The following IL2RB variants were observed in gnomAD, a reference collection of about 807,000 sequenced individuals.
IL2RB encodes the protein interleukin-2 receptor subunit beta.
Under a neutral mutation model 44.2 loss-of-function variants are expected in IL2RB, and 17 were observed. That is an observed-to-expected ratio of 0.38 (90% CI 0.26 to 0.58). The LOEUF (loss-of-function observed/expected upper bound fraction) is 0.58, where lower values mean the gene tolerates loss of function less well. Among genes scored for constraint, IL2RB ranks in the 20% least tolerant of loss-of-function variants. The pLI is 0.63. For missense variants in IL2RB, 624 were observed against 685.5 expected, an observed-to-expected ratio of 0.91 and a Z score of 1.00; for synonymous variants, 286 against 297.9, an observed-to-expected ratio of 0.96 and a Z score of 0.41.
chr22:37,137,195 C>T (rs1177261147), intron 6 of IL2RB, among the ~76,000 whole-genome samples: 1 of 152,180 alleles, frequency 6.6e-6, no homozygotes, highest in African/African-American at 2.4e-5. Flanking sequence ...ATTGAGTGAG[C>T]AGTTGAGTGA....
At chr22:37,131,823 G>A (rs557905265) in intron 9 of IL2RB, among the ~76,000 whole-genome samples, 16 of 151,502 alleles carry the variant, frequency 1.1e-4, no homozygotes, top group Admixed American at 2.0e-4. Flanking sequence ...TGTAACCTCC[G>A]CCTCCTGGGT....
At chr22:37,143,775 G>A (rs1017094906) in intron 2 of IL2RB, 140 bp from the exon 3 acceptor site, 7 of 688,700 alleles carry the variant, frequency 1.0e-5, no homozygotes, top group African/African-American at 8.9e-5. Flanking sequence ...AGGGATTCAT[G>A]GACCCACTTC....
upstream of IL2RB, among the ~76,000 whole-genome samples, chr22:37,154,584 T>C (rs1463134646): frequency 1.3e-5 from 2 of 151,602 alleles, no homozygotes; most frequent in African/African-American, 2.4e-5. Flanking sequence ...TCTTTTTTTT[T>C]TTTTGTTTTT....
At chr22:37,161,430 A>C (rs900046407) in intron 1 of IL2RB, among the ~76,000 whole-genome samples, 1 of 152,114 alleles carries the variant, frequency 6.6e-6, no homozygotes, top group Non-Finnish European at 1.5e-5. Context: ...CTCCTACCCT[A>C]ACCAGTAAGC....
intron 1 of IL2RB, among the ~76,000 whole-genome samples, chr22:37,169,204 T>C (rs1923185123): frequency 6.6e-6 from 1 of 151,554 alleles, no homozygotes; most frequent in African/African-American, 2.4e-5. Context: ...GGGGTTCTGT[T>C]TACAGAGGGG....
intron 1 of IL2RB, among the ~76,000 whole-genome samples, chr22:37,166,128 T>C (rs191063701): frequency 4.2e-4 from 64 of 152,302 alleles, no homozygotes; most frequent in African/African-American, 1.5e-3. Context: ...TCAAGGTCTC[T>C]CTGTTGCACT....
chr22:37,136,217 C>A lies in IL2RB; in HGVS notation c.703+11G>T, dbSNP rs1921685776. The A allele has an allele frequency of 6.2e-7, 1 of 1,604,976 alleles. No homozygotes were observed. The highest frequency in any genetic ancestry group is 8.5e-7 in the Non-Finnish European group (1 of 1,176,864). On this transcript the variant is annotated intron_variant, in intron 7 of 9. Coordinates refer to ENST00000216223, the MANE Select transcript of IL2RB (RefSeq NM_000878.5). The stretch of plus-strand genomic sequence containing the variant: ...CCTGAGCCCCCTCTCACCCTTGCCG[C>A]CCACCAGTACCTGCAGGCTTTGTCC...
chr22:37,174,019 C>T (rs1923371305), intron 1 of IL2RB, among the ~76,000 whole-genome samples: 1 of 152,206 alleles, frequency 6.6e-6, no homozygotes, highest in Non-Finnish European at 1.5e-5. Context: ...CTCCCCACCC[C>T]ACCCCAACCT....
chr22:37,129,468 C>T (rs1921314875), intron 9 of IL2RB, among the ~76,000 whole-genome samples: 3 of 151,288 alleles, frequency 2.0e-5, no homozygotes, highest in East Asian at 1.9e-4. Context: ...CCACCCCCTC[C>T]GCCTCCCATC....
At chr22:37,132,336 C>T in intron 9 of IL2RB, 48 bp downstream of exon 9, 1 of 1,458,968 alleles carries the variant, frequency 6.9e-7, no homozygotes, top group Non-Finnish European at 9.6e-7. Flanking sequence ...ACCCCCTCAT[C>T]CCACTCACAC....
intron 1 of IL2RB, among the ~76,000 whole-genome samples, chr22:37,145,657 G>C (rs969312196): frequency 6.6e-6 from 1 of 151,960 alleles, no homozygotes; most frequent in Non-Finnish European, 1.5e-5. Flanking sequence ...CAGGCAAAGG[G>C]GGAGGCAGGG....
chr22:37,139,934 C>G (rs1313063229), intron 4 of IL2RB, among the ~76,000 whole-genome samples: 1 of 152,222 alleles, frequency 6.6e-6, no homozygotes, highest in Non-Finnish European at 1.5e-5. Context: ...CTCTGTGTCC[C>G]CCTACAGGGT....
At chr22:37,154,575 C>CTTTTTTT (rs57147928), upstream of IL2RB, among the ~76,000 whole-genome samples, 3 of 141,608 alleles carry the variant, frequency 2.1e-5, no homozygotes, top group Non-Finnish European at 3.1e-5. Context: ...CTTTTTTTTT[C>CTTTTTTT]TTTTTTTTTT....
intron 9 of IL2RB, among the ~76,000 whole-genome samples, chr22:37,132,102 T>C (rs1395765200): frequency 6.6e-6 from 1 of 152,134 alleles, no homozygotes; most frequent in Non-Finnish European, 1.5e-5. Flanking sequence ...ATAGTAACAC[T>C]GTTTTTCTCC....
intron 1 of IL2RB, among the ~76,000 whole-genome samples, chr22:37,168,698 C>G (rs769273272): frequency 6.6e-6 from 1 of 152,170 alleles, no homozygotes; most frequent in Non-Finnish European, 1.5e-5. Flanking sequence ...GATGAGTGTT[C>G]CATAGGCCGG....
Position 37,143,633 on chromosome 22 carries a change from T to G in IL2RB, c.91A>C (p.Thr31Pro). 5 of 1,611,830 alleles carry G rather than the reference T, an allele frequency of 3.1e-6. No individual in the cohort carries two copies. Among genetic ancestry groups the G allele is most frequent in the Non-Finnish European group, 4.2e-6 (5 of 1,178,026 alleles). ...TTGTAGAAGCATGTGAACTGGGAAG[T>G]GCCTGCCGGGCAAGATGAGGTGTGA... ...TSWASAAVNGTSQFTCFYNSR... is the reference protein window; with the variant it reads ...TSWASAAVNGPSQFTCFYNSR... Residue 31 changes from threonine (T) to proline (P), a missense_variant and splice_region_variant, in exon 3 of 10, where the codon ACT (threonine) becomes CCT (proline). By Grantham distance (38) the Thr-to-Pro change is conservative. Coordinates refer to ENST00000216223, the MANE Select transcript of IL2RB (RefSeq NM_000878.5).
rs3218329 is a variant in IL2RB, at chr22:37,127,652, T to G, written c.*444A>C. ...GGGGAGCGTGGCCATATTTGGGTTT[T>G]GGAAAGCACGCTCAGGCTGCCCTGT... On this transcript the variant is annotated 3_prime_UTR_variant, in exon 10 of 10. Coordinates refer to ENST00000216223, the MANE Select transcript of IL2RB (RefSeq NM_000878.5). 10,338 of 154,872 alleles carry G rather than the reference T, an allele frequency of 0.067. 1,175 individuals carry two copies. Among genetic ancestry groups the G allele is most frequent in the African/African-American group, 0.24 (9,764 of 41,478 alleles). 9.6% of individuals were successfully genotyped at this position (154,872 alleles called of 1,614,324 possible).
chr22:37,167,289 C>T (rs1923116268), intron 1 of IL2RB, among the ~76,000 whole-genome samples: 1 of 152,096 alleles, frequency 6.6e-6, no homozygotes, highest in Non-Finnish European at 1.5e-5. Flanking sequence ...CCTCCAAGTG[C>T]CAAGCGCTCA....
At chr22:37,136,466 A>AC (rs34577916) in intron 6 of IL2RB, 73 bp from the exon 7 acceptor site, 63,329 of 1,309,410 alleles carry the variant, frequency 0.048, 349 homozygotes, top group East Asian at 0.21. Context: ...GCATCACAGA[A>AC]CCCCCCCCCA....
Sources: allele counts gnomAD v4.1 joint callset (sites outside exome capture counted in the v4.1 genomes callset), GRCh38; gene constraint gnomAD v4.1.1; transcripts MANE v1.5; gene names NCBI Gene and HGNC (gene_info 2026-07-23, HGNC 2026-07-21).